Variants in SOX5 observed in about 807,000 individuals in gnomAD.
SOX5 encodes the protein SRY-box transcription factor 5, also known as transcription factor SOX-5.
In SOX5, 9 loss-of-function variants were observed where a neutral mutation model predicts 92.0. The observed-to-expected ratio is 0.10, with a 90% CI of 0.06 to 0.17. The LOEUF (loss-of-function observed/expected upper bound fraction) is 0.17, where lower values mean the gene tolerates loss of function less well. Ranked by LOEUF, SOX5 falls within the 10% of genes least tolerant of loss-of-function variation. SOX5 has a pLI of 1.00. For synonymous variants in SOX5, 344 were observed against 336.3 expected (o/e 1.02, Z -0.25); for missense variants, 642 against 944.5 (o/e 0.68, Z 4.20).
chr12:23,878,664 T>C (rs969376343), intron 2 of SOX5, among the ~76,000 whole-genome samples: 17 of 152,250 alleles, frequency 1.1e-4, no homozygotes, highest in Non-Finnish European at 4.4e-5. Context: ...TAAAAAGACA[T>C]TTATCCATTT....
At chr12:23,770,854 T>C (rs2094908616) in intron 3 of SOX5, among the ~76,000 whole-genome samples, 1 of 152,152 alleles carries the variant, frequency 6.6e-6, no homozygotes, top group African/African-American at 2.4e-5. Context: ...AGTGGTCAGT[T>C]TGTTGGCCTC....
intron 4 of SOX5, among the ~76,000 whole-genome samples, chr12:24,140,438 T>A (rs13377987): frequency 0.028 from 4,258 of 152,278 alleles, 197 homozygotes; most frequent in African/African-American, 0.096. Context: ...ACATGTGGAT[T>A]TTATCATGTA....
chr12:24,491,052 CTCTT>C (rs80198255), intron 1 of SOX5, among the ~76,000 whole-genome samples: 100,998 of 151,162 alleles, frequency 0.67, 35,647 homozygotes, highest in East Asian at 0.92. Context: ...AACCCACTAT[CTCTT>C]TCTTTCTTTC....
In SOX5 at chr12:23,970,841, A is replaced by ATATATATATATATATATATT; in HGVS notation, c.-1-74818_-1-74817insAATATATATATATATATATA. On this transcript the variant is annotated intron_variant, in intron 4 of 4. Coordinates refer to the SOX5 transcript ENST00000446891. The stretch of plus-strand genomic sequence containing the variant: ...ACATGGGACTTTATATATATATATA[A>ATATATATATATATATATATT]TTTTTTTTTTTTTTTAAGAAATGGG... Among the ~76,000 whole-genome samples, 4 of 21,880 alleles carry ATATATATATATATATATATT rather than the reference A, an allele frequency of 1.8e-4. 1 individual carries two copies. Among genetic ancestry groups the ATATATATATATATATATATT allele is most frequent in the African/African-American group, 5.0e-4 (4 of 8,038 alleles). The allele number at this position is 21,880 out of a possible 152,430, so 14.4% of individuals were successfully genotyped here. A position where few individuals can be genotyped will look rare whatever the true frequency, so the allele number is the denominator to read the frequency against.
chr12:23,576,986 A>C (rs1305530885), intron 9 of SOX5, among the ~76,000 whole-genome samples: 1 of 151,138 alleles, frequency 6.6e-6, no homozygotes, highest in Non-Finnish European at 1.5e-5. Flanking sequence ...AAAGTAGAAA[A>C]ATTTTTAATC....
chr12:24,064,899 A>G (rs1243669075), intron 4 of SOX5, among the ~76,000 whole-genome samples: 1 of 152,256 alleles, frequency 6.6e-6, no homozygotes, highest in Non-Finnish European at 1.5e-5. Context: ...GCAGGGACAC[A>G]GGGTACAAAC....
At chr12:24,047,749 A>T (rs1458495211) in intron 4 of SOX5, among the ~76,000 whole-genome samples, 1 of 152,208 alleles carries the variant, frequency 6.6e-6, no homozygotes, top group Non-Finnish European at 1.5e-5. Flanking sequence ...TCAATTTCTT[A>T]TGAGGTGGTC....
intron 2 of SOX5, among the ~76,000 whole-genome samples, chr12:24,317,344 G>T (rs544310017): frequency 9.2e-5 from 14 of 152,248 alleles, no homozygotes; most frequent in African/African-American, 3.4e-4. Context: ...AAGCAAATTT[G>T]AACTTTGACT....
At chr12:23,780,730 T>TC (rs753052229) in intron 3 of SOX5, among the ~76,000 whole-genome samples, 20 of 152,050 alleles carry the variant, frequency 1.3e-4, no homozygotes, top group African/African-American at 4.8e-4. Flanking sequence ...ATTTTGGAAG[T>TC]CTTAAAAAGG....
At chr12:23,883,703 T>G (rs1240759239) in intron 2 of SOX5, among the ~76,000 whole-genome samples, 1 of 151,900 alleles carries the variant, frequency 6.6e-6, no homozygotes, top group Non-Finnish European at 1.5e-5. Flanking sequence ...GGCTCTATAC[T>G]GCTTCATTAT....
At chr12:24,376,267 G>C (rs562174831) in intron 1 of SOX5, among the ~76,000 whole-genome samples, 1 of 152,264 alleles carries the variant, frequency 6.6e-6, no homozygotes, top group South Asian at 2.1e-4. Context: ...TGTTGCATTG[G>C]AACCCGCAGC....
intron 3 of SOX5, among the ~76,000 whole-genome samples, chr12:23,803,824 A>C (rs1358187796): frequency 6.6e-6 from 1 of 152,204 alleles, no homozygotes. Context: ...TTTTTAGCTG[A>C]ATTTGAAAAG....
intron 4 of SOX5, among the ~76,000 whole-genome samples, chr12:24,115,002 A>T (rs1565465339): frequency 6.6e-6 from 1 of 152,214 alleles, no homozygotes; most frequent in Non-Finnish European, 1.5e-5. Context: ...TAAAAATTGA[A>T]AATAGATGTG....
chr12:23,540,470 T>A (rs1941761541), intron 13 of SOX5, among the ~76,000 whole-genome samples: 1 of 151,798 alleles, frequency 6.6e-6, no homozygotes, highest in East Asian at 1.9e-4. Flanking sequence ...TCAAAAGTAT[T>A]TGATGCTCAA....
At chr12:24,401,908 A>T (rs900859865) in intron 1 of SOX5, among the ~76,000 whole-genome samples, 1 of 152,074 alleles carries the variant, frequency 6.6e-6, no homozygotes, top group Non-Finnish European at 1.5e-5. Context: ...TCTAGCTTTT[A>T]TGATCTATGC....
At chr12:24,239,153 T>C (rs1461465893) in intron 3 of SOX5, among the ~76,000 whole-genome samples, 2 of 152,120 alleles carry the variant, frequency 1.3e-5, no homozygotes, top group Non-Finnish European at 2.9e-5. Context: ...AGGTTCTGAG[T>C]GGAATAAATA....
intron 2 of SOX5, chr12:24,357,342 T>A (rs572312342): frequency 6.6e-6 from 1 of 152,196 alleles, no homozygotes; most frequent in African/African-American, 2.4e-5. Context: ...GCCTACCAGA[T>A]GCAGTGCACG....
intron 3 of SOX5, among the ~76,000 whole-genome samples, chr12:23,819,224 C>A (rs2096059693): frequency 6.6e-6 from 1 of 152,190 alleles, no homozygotes; most frequent in Admixed American, 6.5e-5. Flanking sequence ...TACAACCCTA[C>A]AACAGCTACT....
intron 1 of SOX5, among the ~76,000 whole-genome samples, chr12:24,444,302 G>GTA (rs902183532): frequency 2.7e-5 from 4 of 147,586 alleles, no homozygotes; most frequent in African/African-American, 9.9e-5. Context: ...GTGTGTGTGT[G>GTA]TGCACCCATG....
Sources: gnomAD v4.1 joint callset for allele counts (sites outside exome capture counted in the v4.1 genomes callset) on GRCh38, gnomAD v4.1.1 for gene constraint, MANE v1.5 for transcripts, NCBI Gene and HGNC (gene_info 2026-07-23, HGNC 2026-07-21) for gene names.